The following TRIM13 variants were observed in gnomAD, a reference collection of about 807,000 sequenced individuals.
The protein encoded by TRIM13 is E3 ubiquitin-protein ligase TRIM13.
A neutral mutation model predicts 27.1 loss-of-function variants in TRIM13; 15 were observed. That is an observed-to-expected ratio of 0.55 (90% CI 0.37 to 0.85). TRIM13 has a LOEUF of 0.85. Ranked by LOEUF, TRIM13 falls within the 40% of genes least tolerant of loss-of-function variation. The pLI, the probability that TRIM13 is intolerant of heterozygous loss-of-function variation, is 0.00. For synonymous variants in TRIM13, 193 were observed against 171.5 expected, an observed-to-expected ratio of 1.13 and a Z score of -0.98; for missense variants, 402 against 472.2, an observed-to-expected ratio of 0.85 and a Z score of 1.38.
In TRIM13 at chr13:50,013,034, T is replaced by C; in HGVS notation, c.1094T>C (p.Ile365Thr). Residue 365 changes from isoleucine (I) to threonine (T), a missense_variant, in exon 2 of 2, where the codon ATA becomes ACA. Ile to Thr is a moderately conservative substitution (Grantham distance 89). Transcript: ENST00000378182. ...TATCTGACTAAAACAGCCGATTTCA[T>C]AGAACAATCAGTTTTTTACTGGGAA... The part of the protein sequence containing the change: ...SSYLTKTADF[I>T]EQSVFYWEQV... 1 of 1,613,984 alleles carries C rather than the reference T, an allele frequency of 6.2e-7. No homozygotes were observed.
intron 1 of TRIM13, among the ~76,000 whole-genome samples, chr13:50,006,819 G>C (rs914665605): frequency 1.6e-4 from 25 of 152,102 alleles, no homozygotes. Flanking sequence ...ATTTGAGACA[G>C]AATAATCTTT....
rs1234457165 is a variant in TRIM13 at position 50,017,040 on chromosome 13, C to T, written c.*3876C>T. ...GAGTATGACAATTCTTAATTGTTTACATTTTATAACTTCCTGTCCTTCAAA... is the reference window on the plus strand; with the variant it reads ...GAGTATGACAATTCTTAATTGTTTATATTTTATAACTTCCTGTCCTTCAAA... On this transcript the variant is annotated 3_prime_UTR_variant, in exon 2 of 2. Transcript: ENST00000378182. The T allele has an allele frequency of 1.2e-5, 2 of 166,936 alleles. No homozygotes were observed. Among genetic ancestry groups the T allele is most frequent in the African/African-American group, 4.8e-5 (2 of 41,420 alleles). The allele number at this position is 166,936 out of a possible 1,614,324, so 10.3% of individuals were successfully genotyped here.
chr13:50,003,688 C>T (rs905775053), intron 1 of TRIM13, among the ~76,000 whole-genome samples: 1 of 152,208 alleles, frequency 6.6e-6, no homozygotes, highest in South Asian at 2.1e-4. Context: ...TTGCCAGATA[C>T]TAATTGAGGT....
intron 1 of TRIM13, among the ~76,000 whole-genome samples, chr13:50,004,187 G>A (rs972896642): frequency 6.6e-6 from 1 of 152,210 alleles, no homozygotes; most frequent in African/African-American, 2.4e-5. Flanking sequence ...GAGGCCAAGT[G>A]CAGTGGCTCT....
In TRIM13 at chr13:50,016,004, CCTT is replaced by C. The variant is rs749762237; in HGVS notation, c.*2844_*2846del. On this transcript the variant is annotated 3_prime_UTR_variant, in exon 2 of 2. Coordinates refer to ENST00000378182, the MANE Select transcript of TRIM13 (RefSeq NM_213590.3). ...CTTACTTCCACTGCCTCCACAAAGA[CCTT>C]CTTACCATGACCTGGTTTTCCAGTG... 8.1e-6 allele frequency: 13 copies of C among 1,614,130 alleles called. No homozygotes were observed. The highest frequency in any genetic ancestry group is 4.5e-5 in the East Asian group (2 of 44,882).
rs1222380269 is a variant in TRIM13, at chr13:50,015,092, AAAATATATATATATATATAT to A, written c.*1930_*1949del. The A allele has an allele frequency of 7.6e-3, 179 of 23,418 alleles. 11 individuals are homozygous for A. Among genetic ancestry groups the A allele is most frequent in the Non-Finnish European group, 0.012 (129 of 10,716 alleles). 1.5% of individuals were successfully genotyped at this position (23,418 alleles called of 1,614,324 possible). ...CCCAGTAATAAAAAAAAAAAAAAAA[AAAATATATATATATATATAT>A]ATATATATATATATATATATATATA... is the stretch of plus-strand genomic sequence containing the variant. On this transcript the variant is annotated 3_prime_UTR_variant, in exon 2 of 2. Coordinates refer to ENST00000378182, the MANE Select transcript of TRIM13 (RefSeq NM_213590.3).
At chr13:50,002,844 G>A (rs960361312) in intron 1 of TRIM13, among the ~76,000 whole-genome samples, 3 of 152,014 alleles carry the variant, frequency 2.0e-5, no homozygotes, top group Non-Finnish European at 2.9e-5. Flanking sequence ...TGTATTTTTA[G>A]TAGAGACAGG....
intron 1 of TRIM13, among the ~76,000 whole-genome samples, chr13:50,005,063 C>T (rs922401790): frequency 6.6e-6 from 1 of 151,620 alleles, no homozygotes; most frequent in Non-Finnish European, 1.5e-5. Context: ...GTAACAAGAG[C>T]GAGACTCCCT....
intron 1 of TRIM13, among the ~76,000 whole-genome samples, chr13:50,000,299 T>C (rs1873868379): frequency 6.6e-6 from 1 of 152,198 alleles, no homozygotes; most frequent in Non-Finnish European, 1.5e-5. Context: ...ATAAACCCTT[T>C]CTAGAGAGAA....
chr13:50,013,908 TCA>T lies in TRIM13; in HGVS notation c.*754_*755del, dbSNP rs201246707. The T allele has an allele frequency of 4.2e-3, 705 of 166,826 alleles. 5 individuals are homozygous for T. The highest frequency in any genetic ancestry group is 8.9e-3 in the African/African-American group (368 of 41,400). 10.3% of individuals were successfully genotyped at this position (166,826 alleles called of 1,614,324 possible). The stretch of plus-strand genomic sequence containing the variant: ...AAAAGGGAAGATATTGTAGAAGATT[TCA>T]CACACACACGCGTGTGTGGGAGACA... On this transcript the variant is annotated 3_prime_UTR_variant, in exon 2 of 2. Transcript: ENST00000378182.
chr13:49,999,422 G>A lies in TRIM13; in HGVS notation c.-7+1659G>A, dbSNP rs189681480. 1.4e-3 allele frequency among the ~76,000 whole-genome samples: 208 copies of A among 152,124 alleles called. 2 individuals carry two copies. Among genetic ancestry groups the A allele is most frequent in the African/African-American group, 4.7e-3 (193 of 41,472 alleles). On this transcript the variant is annotated intron_variant, in intron 1 of 1. Transcript: ENST00000378182. ...GGAACCTTTCCCTATTAAATTTTCC[G>A]CTCCTAAACCCACTCCTTGTGTGTG...
chr13:50,015,097 ATATATATATAT>A lies in TRIM13; in HGVS notation c.*1934_*1944del, dbSNP rs1876324086. The A allele has an allele frequency of 2.6e-3, 9 of 3,418 alleles. 1 individual carries two copies. The highest frequency in any genetic ancestry group is 5.1e-3 in the African/African-American group (8 of 1,580). 0.2% of individuals were successfully genotyped at this position (3,418 alleles called of 1,614,324 possible). On this transcript the variant is annotated 3_prime_UTR_variant, in exon 2 of 2. Coordinates refer to ENST00000378182, the MANE Select transcript of TRIM13 (RefSeq NM_213590.3). ...TAATAAAAAAAAAAAAAAAAAAAAT[ATATATATATAT>A]ATATATATATATATATATATATATA...
chr13:50,012,285 G>C lies in TRIM13; in HGVS notation c.345G>C (p.Gly115=). Residue 115 remains glycine (G), a synonymous_variant, in exon 2 of 2, where the codon GGG becomes GGC. Coordinates refer to ENST00000378182, the MANE Select transcript of TRIM13 (RefSeq NM_213590.3). Reference sequence around the variant, plus strand: ...TGACTGATATGCAGCTGATTTGTGGGATCTGTGCTACTCGTGGGGAGCACA... The same window carrying C: ...TGACTGATATGCAGCTGATTTGTGGCATCTGTGCTACTCGTGGGGAGCACA... The part of the protein sequence containing the change: ...FCLTDMQLIC[G]ICATRGEHTK... The C allele has an allele frequency of 6.2e-7, 1 of 1,614,114 alleles. No homozygotes were observed. Among genetic ancestry groups the C allele is most frequent in the Non-Finnish European group, 8.5e-7 (1 of 1,179,998 alleles).
At chr13:50,007,898 A>G (rs935112661) in intron 1 of TRIM13, among the ~76,000 whole-genome samples, 1 of 151,962 alleles carries the variant, frequency 6.6e-6, no homozygotes, top group Non-Finnish European at 1.5e-5. Context: ...ATTACTGTTA[A>G]AAAAGTATTC....
intron 1 of TRIM13, among the ~76,000 whole-genome samples, chr13:50,011,134 G>T (rs1459454983): frequency 1.3e-5 from 2 of 152,168 alleles, no homozygotes; most frequent in Admixed American, 1.3e-4. Flanking sequence ...CTTCAGCAGT[G>T]TCTACACACC....
rs779133891 is a variant in TRIM13, at chr13:50,014,344, A to ATAT, written c.*1180_*1181insTAT. 1.0e-4 allele frequency: 2 copies of ATAT among 19,720 alleles called. No individual in the cohort carries two copies. Among genetic ancestry groups the ATAT allele is most frequent in the Non-Finnish European group, 1.7e-4 (2 of 12,092 alleles). 1.2% of individuals were successfully genotyped at this position (19,720 alleles called of 1,614,324 possible). A position where few individuals can be genotyped will look rare whatever the true frequency, so the allele number is the denominator to read the frequency against. Reference sequence around the variant, plus strand: ...AAAAAAAAAAAAAAAAAAAAAAAAAAATATATATATATATATACACACACA... The same window carrying ATAT: ...AAAAAAAAAAAAAAAAAAAAAAAAAATATATATATATATATATATACACACACA... On this transcript the variant is annotated 3_prime_UTR_variant, in exon 2 of 2. Transcript: ENST00000378182.
chr13:50,007,568 G>A (rs1485790091), intron 1 of TRIM13, among the ~76,000 whole-genome samples: 12 of 150,924 alleles, frequency 8.0e-5, no homozygotes, highest in Admixed American at 2.0e-4. Flanking sequence ...ATTGCCTGGG[G>A]TCAGGAGTTT....
At position 50,014,267 on chromosome 13, in the gene TRIM13, C is replaced by T. The variant is rs1209359064; in HGVS notation, c.*1103C>T. 7.3e-6 allele frequency: 1 copy of T among 136,584 alleles called. No homozygotes were observed. Among genetic ancestry groups the T allele is most frequent in the Non-Finnish European group, 1.6e-5 (1 of 63,786 alleles). The allele number at this position is 136,584 out of a possible 1,614,324, so 8.5% of individuals were successfully genotyped here. ...GGAGGATTATTTGAGGCTAGGAGTT[C>T]CAGTTCGAAACCAGCTTCGTAAACA... On this transcript the variant is annotated 3_prime_UTR_variant, in exon 2 of 2. Coordinates refer to ENST00000378182, the MANE Select transcript of TRIM13 (RefSeq NM_213590.3).
At chr13:50,003,860 A>G (rs1452537444) in intron 1 of TRIM13, among the ~76,000 whole-genome samples, 1 of 152,230 alleles carries the variant, frequency 6.6e-6, no homozygotes, top group Non-Finnish European at 1.5e-5. Context: ...TATGTTAGAA[A>G]ACATCAATAT....
Sources: allele counts gnomAD v4.1 joint callset (sites outside exome capture counted in the v4.1 genomes callset), GRCh38; gene constraint gnomAD v4.1.1; transcripts MANE v1.5; gene names NCBI Gene and HGNC (gene_info 2026-07-23, HGNC 2026-07-21).